The following IPO11 variants were observed in gnomAD, a reference collection of about 807,000 sequenced individuals.
The protein encoded by IPO11 is importin 11.
IPO11 carries 66 observed loss-of-function variants against 143.2 expected under a neutral mutation model. That is an observed-to-expected ratio of 0.46 (90% CI 0.38 to 0.57). IPO11 has a LOEUF of 0.57. IPO11 is among the 20% of genes least tolerant of loss of function. IPO11 has a pLI of 0.00. For missense variants in IPO11, 1,026 were observed against 1,141.0 expected, an observed-to-expected ratio of 0.90 and a Z score of 1.45; for synonymous variants, 385 against 377.8, an observed-to-expected ratio of 1.02 and a Z score of -0.22.
rs115460408 is a variant in IPO11, at chr5:62,572,809, C to G, written c.2582+11552C>G. ...TGTTGCTCAGGCTGGTCTTGAACTCCTGCACTCAAGCAGTCCGCCTGCCTG... is the reference window on the plus strand; with the variant it reads ...TGTTGCTCAGGCTGGTCTTGAACTCGTGCACTCAAGCAGTCCGCCTGCCTG... On this transcript the variant is annotated intron_variant, in intron 27 of 29. Coordinates refer to ENST00000325324, the MANE Select transcript of IPO11 (RefSeq NM_016338.5). Among the ~76,000 whole-genome samples the G allele has an allele frequency of 7.9e-3, 1,197 of 152,148 alleles. 20 individuals are homozygous for G. The highest frequency in any genetic ancestry group is 0.027 in the African/African-American group (1,134 of 41,500).
chr5:62,583,141 T>G (rs1180621062), intron 27 of IPO11, among the ~76,000 whole-genome samples: 1 of 152,198 alleles, frequency 6.6e-6, no homozygotes, highest in Admixed American at 6.5e-5. Flanking sequence ...TTGTTCACCT[T>G]GAGAGACATT....
chr5:62,518,036 G>T (rs1742084330), intron 20 of IPO11, among the ~76,000 whole-genome samples: 1 of 151,940 alleles, frequency 6.6e-6, no homozygotes, highest in East Asian at 1.9e-4. Context: ...AGGCACTGTG[G>T]CTCACACCTG....
At chr5:62,618,997 A>G (rs551049630) in intron 29 of IPO11, among the ~76,000 whole-genome samples, 1 of 151,968 alleles carries the variant, frequency 6.6e-6, no homozygotes. Flanking sequence ...TTGGGAGGCT[A>G]AGGCAGGTGG....
At chr5:62,602,018 T>C (rs1050550722) in intron 29 of IPO11, among the ~76,000 whole-genome samples, 170 bp downstream of exon 29, 2 of 152,202 alleles carry the variant, frequency 1.3e-5, no homozygotes, top group African/African-American at 4.8e-5. Context: ...TTATTCCTAG[T>C]ACAGAAAGTT....
intron 22 of IPO11, among the ~76,000 whole-genome samples, chr5:62,531,214 G>A (rs1030547816): frequency 2.6e-5 from 4 of 152,160 alleles, no homozygotes; most frequent in African/African-American, 9.7e-5. Context: ...GTCTTGCTCT[G>A]TTGCCCAGAC....
intron 27 of IPO11, among the ~76,000 whole-genome samples, chr5:62,585,674 G>A (rs1258709651): frequency 6.6e-6 from 1 of 152,146 alleles, no homozygotes; most frequent in East Asian, 1.9e-4. Context: ...GCCTTCTAGT[G>A]TGCCGTATAG....
rs951915027 is a variant in IPO11 at position 62,473,820 on chromosome 5, A to G, written c.709-596A>G. On this transcript the variant is annotated intron_variant, in intron 7 of 29. Transcript: ENST00000325324. ...AAAACATATCTTAGAATATGTTTTCAAAAAAAGGGTCCATTAGACCTAGCT... is the reference window on the plus strand; with the variant it reads ...AAAACATATCTTAGAATATGTTTTCGAAAAAAGGGTCCATTAGACCTAGCT... Among the ~76,000 whole-genome samples the G allele has an allele frequency of 2.0e-5, 3 of 152,046 alleles. No individual in the cohort carries two copies. In the East Asian group the frequency reaches 5.8e-4, roughly 29 times the overall value.
chr5:62,520,001 A>T (rs1742152250), intron 20 of IPO11, among the ~76,000 whole-genome samples: 1 of 152,120 alleles, frequency 6.6e-6, no homozygotes, highest in Non-Finnish European at 1.5e-5. Context: ...CAGTGGGGAA[A>T]TTCTCAAATG....
chr5:62,436,141 T>C (rs946320166), intron 1 of IPO11, among the ~76,000 whole-genome samples: 7 of 152,342 alleles, frequency 4.6e-5, no homozygotes, highest in African/African-American at 1.4e-4. Flanking sequence ...GTGTTTTTGA[T>C]TAGCCCTGCT....
At chr5:62,441,306 C>A (rs13154430) in intron 2 of IPO11, among the ~76,000 whole-genome samples, 3 of 150,680 alleles carry the variant, frequency 2.0e-5, no homozygotes, top group Non-Finnish European at 4.4e-5. Context: ...TCAAGTGATT[C>A]TCCTGCCTCA....
chr5:62,441,713 A>G (rs1744487181), intron 2 of IPO11, among the ~76,000 whole-genome samples: 1 of 146,382 alleles, frequency 6.8e-6, no homozygotes. Flanking sequence ...ATGGGGTTTC[A>G]TCATGTTGGC....
chr5:62,415,041 A>G (rs774095665), intron 1 of IPO11, among the ~76,000 whole-genome samples: 1 of 152,196 alleles, frequency 6.6e-6, no homozygotes, highest in South Asian at 2.1e-4. Flanking sequence ...ACTAAAATTC[A>G]TGAATGACAA....
At chr5:62,537,472 A>G (rs1402393792) in intron 24 of IPO11, among the ~76,000 whole-genome samples, 183 bp downstream of exon 24, 1 of 152,168 alleles carries the variant, frequency 6.6e-6, no homozygotes, top group African/African-American at 2.4e-5. Context: ...GAAGGTGCAT[A>G]CACCTTCAAC....
chr5:62,464,164 T>C (rs1226496283), intron 5 of IPO11, among the ~76,000 whole-genome samples: 1 of 143,710 alleles, frequency 7.0e-6, no homozygotes, highest in African/African-American at 2.6e-5. Context: ...TTTTTTTTTT[T>C]TTTTGAGATG....
chr5:62,461,014 T>G lies in IPO11; in HGVS notation c.517-6117T>G, dbSNP rs62375041. On this transcript the variant is annotated intron_variant, in intron 5 of 29. Coordinates refer to ENST00000325324, the MANE Select transcript of IPO11 (RefSeq NM_016338.5). ...CTTCTTTATTCCTGTTGTTTCTTCT[T>G]TCTTTATCTCTCTCCCTGCTTTTAC... 9.2e-3 allele frequency among the ~76,000 whole-genome samples: 1,404 copies of G among 152,314 alleles called. 20 individuals are homozygous for G. Among genetic ancestry groups the G allele is most frequent in the Non-Finnish European group, 0.016 (1,088 of 68,032 alleles).
intron 27 of IPO11, among the ~76,000 whole-genome samples, chr5:62,582,920 C>G (rs1262316630): frequency 6.6e-6 from 1 of 151,980 alleles, no homozygotes; most frequent in East Asian, 1.9e-4. Flanking sequence ...GAGAGAAAAT[C>G]AGAAAGGAGC....
chr5:62,581,367 C>G (rs1744553940), intron 27 of IPO11: 4 of 1,218,154 alleles, frequency 3.3e-6, no homozygotes, highest in Non-Finnish European at 4.5e-6. Context: ...AAACTGAAAC[C>G]TCCTTATATA....
chr5:62,523,012 C>T (rs1444880580), intron 20 of IPO11, among the ~76,000 whole-genome samples: 2 of 152,212 alleles, frequency 1.3e-5, no homozygotes, highest in East Asian at 3.8e-4. Context: ...TCTCAAAATA[C>T]CTGGTGCCAT....
chr5:62,432,457 G>C (rs1441323797), intron 1 of IPO11, among the ~76,000 whole-genome samples: 1 of 152,208 alleles, frequency 6.6e-6, no homozygotes, highest in African/African-American at 2.4e-5. Flanking sequence ...GAGTTAGGGT[G>C]AGAGAGAGCC....
Sources: gnomAD v4.1 joint callset for allele counts (sites outside exome capture counted in the v4.1 genomes callset) on GRCh38, gnomAD v4.1.1 for gene constraint, MANE v1.5 for transcripts, NCBI Gene and HGNC (gene_info 2026-07-23, HGNC 2026-07-21) for gene names.